CACNA2D3: variants seen among roughly 807,000 people sequenced by gnomAD.
CACNA2D3 encodes the protein voltage-dependent calcium channel subunit alpha-2/delta-3.
CACNA2D3 carries 60 observed loss-of-function variants against 160.6 expected under a neutral mutation model. The observed-to-expected ratio is 0.37, with a 90% CI of 0.30 to 0.46. The LOEUF (loss-of-function observed/expected upper bound fraction) is 0.46, where lower values mean the gene tolerates loss of function less well. Ranked by LOEUF, CACNA2D3 falls within the 20% of genes least tolerant of loss-of-function variation. The pLI, the probability that CACNA2D3 is intolerant of heterozygous loss-of-function variation, is 1.00. For synonymous variants in CACNA2D3, 558 were observed against 492.9 expected (o/e 1.13, Z -1.75); for missense variants, 1,205 against 1,365.0 (o/e 0.88, Z 1.85).
At chr3:54,346,172 T>C (rs1698455253) in intron 3 of CACNA2D3, among the ~76,000 whole-genome samples, 1 of 152,180 alleles carries the variant, frequency 6.6e-6, no homozygotes, top group Non-Finnish European at 1.5e-5. Flanking sequence ...CATTTGTAAG[T>C]GTTACTTCCC....
At chr3:54,887,829 A>T (rs1353634668) in intron 23 of CACNA2D3, 130 bp from the exon 24 acceptor site, 12 of 691,228 alleles carry the variant, frequency 1.7e-5, no homozygotes, top group Non-Finnish European at 3.1e-5. Flanking sequence ...AACTAGTGGG[A>T]ACTTAACTCA....
chr3:54,893,021 A>G (rs1056208944), intron 25 of CACNA2D3, among the ~76,000 whole-genome samples: 4 of 152,216 alleles, frequency 2.6e-5, no homozygotes, highest in Non-Finnish European at 5.9e-5. Context: ...CATGCCTGTA[A>G]TCCCAGAACT....
At chr3:54,270,188 G>A (rs74733202) in intron 2 of CACNA2D3, among the ~76,000 whole-genome samples, 5,334 of 152,196 alleles carry the variant, frequency 0.035, 274 homozygotes, top group African/African-American at 0.11. Flanking sequence ...ACTTATCTAG[G>A]TGCTGAATTT....
chr3:54,816,986 C>A, intron 14 of CACNA2D3, 116 bp downstream of exon 14: 3 of 1,203,012 alleles, frequency 2.5e-6, no homozygotes, highest in Non-Finnish European at 3.6e-6. Context: ...TTTTCCACAG[C>A]TTCAGAAACC....
chr3:54,872,055 G>T (rs1435603879), intron 18 of CACNA2D3, among the ~76,000 whole-genome samples: 1 of 152,190 alleles, frequency 6.6e-6, no homozygotes, highest in African/African-American at 2.4e-5. Flanking sequence ...GACCTCATTG[G>T]CACAGCCCTT....
chr3:54,466,017 C>T (rs1700617997), intron 4 of CACNA2D3, among the ~76,000 whole-genome samples: 1 of 152,180 alleles, frequency 6.6e-6, no homozygotes, highest in Admixed American at 6.5e-5. Flanking sequence ...TGGTCCCCTC[C>T]ACCTTCAAAA....
chr3:54,854,428 C>T (rs962992698), intron 17 of CACNA2D3, among the ~76,000 whole-genome samples: 7 of 152,190 alleles, frequency 4.6e-5, no homozygotes, highest in African/African-American at 9.7e-5. Flanking sequence ...GTGGGAGCTA[C>T]GCCCTTTCTG....
intron 2 of CACNA2D3, among the ~76,000 whole-genome samples, chr3:54,223,893 A>G (rs1462382569): frequency 6.6e-6 from 1 of 152,028 alleles, no homozygotes; most frequent in Non-Finnish European, 1.5e-5. Flanking sequence ...TCTAATAATA[A>G]ATTAACCTTA....
rs1295057001 is a variant in CACNA2D3 at position 54,461,416 on chromosome 3, T to C, written c.382-42076T>C. Among the ~76,000 whole-genome samples, 3 of 151,430 alleles carry C rather than the reference T, an allele frequency of 2.0e-5. 1 individual carries two copies. Among genetic ancestry groups the C allele is most frequent in the Non-Finnish European group, 4.4e-5 (3 of 67,736 alleles). On this transcript the variant is annotated intron_variant, in intron 4 of 37. Transcript: ENST00000474759. Reference sequence around the variant, plus strand: ...GAATCCATCTGGTCCTGGACTCTTTTTGATTGGTAAGCTATTGATTATTGC... The same window carrying C: ...GAATCCATCTGGTCCTGGACTCTTTCTGATTGGTAAGCTATTGATTATTGC...
At chr3:55,004,533 C>T (rs1324126390) in intron 31 of CACNA2D3, among the ~76,000 whole-genome samples, 1 of 152,214 alleles carries the variant, frequency 6.6e-6, no homozygotes, top group Non-Finnish European at 1.5e-5. Context: ...TCCCCCTCTA[C>T]CCTTTCCAAT....
intron 5 of CACNA2D3, among the ~76,000 whole-genome samples, chr3:54,524,645 C>G (rs1331791497): frequency 6.6e-6 from 1 of 151,906 alleles, no homozygotes; most frequent in Non-Finnish European, 1.5e-5. Flanking sequence ...TCAGTTTTTA[C>G]TTCATGAAAT....
chr3:54,641,134 G>C (rs989264887), intron 10 of CACNA2D3, among the ~76,000 whole-genome samples: 1 of 152,164 alleles, frequency 6.6e-6, no homozygotes. Flanking sequence ...GCAGCCTCAA[G>C]GGGTCCTGAG....
intron 2 of CACNA2D3, among the ~76,000 whole-genome samples, chr3:54,320,163 C>A (rs1211078868): frequency 6.6e-6 from 1 of 152,204 alleles, no homozygotes; most frequent in African/African-American, 2.4e-5. Context: ...TGGGTGAAAT[C>A]AGTCCCTTAT....
At chr3:54,617,514 A>T (rs973955892) in intron 9 of CACNA2D3, among the ~76,000 whole-genome samples, 4 of 152,166 alleles carry the variant, frequency 2.6e-5, no homozygotes, top group African/African-American at 9.6e-5. Context: ...GCCTGATCAG[A>T]GTATTTCTGG....
intron 11 of CACNA2D3, among the ~76,000 whole-genome samples, chr3:54,715,184 A>G (rs561768930): frequency 9.8e-5 from 15 of 152,308 alleles, no homozygotes; most frequent in African/African-American, 3.6e-4. Context: ...CTCATCCTTG[A>G]GATCTATTAA....
At chr3:55,013,971 G>T (rs556630230) in intron 34 of CACNA2D3, among the ~76,000 whole-genome samples, 2 of 152,318 alleles carry the variant, frequency 1.3e-5, no homozygotes, top group Non-Finnish European at 2.9e-5. Flanking sequence ...GTGGGTGATA[G>T]GTCATGGTGA....
intron 13 of CACNA2D3, among the ~76,000 whole-genome samples, chr3:54,803,292 A>G (rs905685068): frequency 6.6e-6 from 1 of 152,198 alleles, no homozygotes; most frequent in Non-Finnish European, 1.5e-5. Context: ...AACCAAAGGC[A>G]AAGAAGTTGA....
intron 11 of CACNA2D3, among the ~76,000 whole-genome samples, chr3:54,709,387 G>T (rs1460512047): frequency 6.6e-6 from 1 of 150,920 alleles, no homozygotes; most frequent in Non-Finnish European, 1.5e-5. Context: ...TTAAAGAGAG[G>T]GTCTCCCTCT....
At chr3:54,180,109 T>A (rs1700756140) in intron 2 of CACNA2D3, among the ~76,000 whole-genome samples, 1 of 151,618 alleles carries the variant, frequency 6.6e-6, no homozygotes, top group Non-Finnish European at 1.5e-5. Flanking sequence ...CCTTTTTTTT[T>A]TTTTTGTTAA....
Sources: gnomAD v4.1 joint callset for allele counts (sites outside exome capture counted in the v4.1 genomes callset) on GRCh38, gnomAD v4.1.1 for gene constraint, MANE v1.5 for transcripts, NCBI Gene and HGNC (gene_info 2026-07-23, HGNC 2026-07-21) for gene names.